The following ST18 variants were observed in gnomAD, a reference collection of about 807,000 sequenced individuals.
ST18 encodes the protein suppression of tumorigenicity 18 protein.
In ST18, 50 loss-of-function variants were observed where a neutral mutation model predicts 110.0. The ratio of observed to expected loss-of-function variants is 0.45; its 90% confidence interval spans 0.36 to 0.58. ST18 has a LOEUF of 0.58. ST18 is among the 20% of genes least tolerant of loss of function. The pLI is 0.00. For missense variants in ST18, 1,306 were observed against 1,280.1 expected, an observed-to-expected ratio of 1.02 and a Z score of -0.31; for synonymous variants, 461 against 452.4, an observed-to-expected ratio of 1.02 and a Z score of -0.24.
At chr8:52,364,625 T>C (rs1488189063) in intron 2 of ST18, among the ~76,000 whole-genome samples, 1 of 152,234 alleles carries the variant, frequency 6.6e-6, no homozygotes. Flanking sequence ...ACATGTATTT[T>C]TCACTAAATG....
chr8:52,286,439 T>C (rs762773219), intron 2 of ST18, among the ~76,000 whole-genome samples: 34 of 152,188 alleles, frequency 2.2e-4, no homozygotes, highest in Non-Finnish European at 3.2e-4. Flanking sequence ...TCCATAACTG[T>C]CCTATGCTAT....
At chr8:52,370,770 C>T (rs180800832) in intron 2 of ST18, among the ~76,000 whole-genome samples, 30 of 152,266 alleles carry the variant, frequency 2.0e-4, no homozygotes, top group Middle Eastern at 3.4e-3. Flanking sequence ...GGCTCTTACT[C>T]ATTGTCTCTT....
intron 2 of ST18, among the ~76,000 whole-genome samples, chr8:52,381,303 T>C (rs1834425843): frequency 6.6e-6 from 1 of 152,108 alleles, no homozygotes; most frequent in Non-Finnish European, 1.5e-5. Context: ...CTCAGATGAT[T>C]CCAGACGTCA....
chr8:52,344,667 T>C (rs1232864246), intron 2 of ST18, among the ~76,000 whole-genome samples: 2 of 152,164 alleles, frequency 1.3e-5, no homozygotes, highest in East Asian at 3.9e-4. Flanking sequence ...TCCCAAAGTG[T>C]TGGGATTACA....
At chr8:52,179,010 A>G (rs1359023430) in intron 9 of ST18, among the ~76,000 whole-genome samples, 2 of 152,206 alleles carry the variant, frequency 1.3e-5, no homozygotes, top group African/African-American at 2.4e-5. Context: ...AATTTATTAC[A>G]TAAGAATCTC....
intron 2 of ST18, among the ~76,000 whole-genome samples, chr8:52,258,362 T>C (rs528434219): frequency 6.6e-6 from 1 of 152,318 alleles, no homozygotes; most frequent in East Asian, 1.9e-4. Flanking sequence ...GTGCATCACT[T>C]TGGGTAGTAT....
In ST18 at chr8:52,336,669, G is replaced by C. The variant is rs141079206; in HGVS notation, c.-465+72659C>G. 5.8e-3 allele frequency among the ~76,000 whole-genome samples: 890 copies of C among 152,308 alleles called. 4 individuals are homozygous for C. Among genetic ancestry groups the C allele is most frequent in the African/African-American group, 0.02 (846 of 41,570 alleles). ...TCCCAAGTGAGGTTGGGTGAGATGG[G>C]AAGCGGGTAGACCTAGTGACGTCTT... is the stretch of plus-strand genomic sequence containing the variant. On this transcript the variant is annotated intron_variant, in intron 2 of 25. Coordinates refer to ENST00000689386, the MANE Select transcript of ST18 (RefSeq NM_001352837.2).
At chr8:52,138,291 G>GA (rs1256988947) in intron 17 of ST18, among the ~76,000 whole-genome samples, 1 of 152,148 alleles carries the variant, frequency 6.6e-6, no homozygotes, top group Non-Finnish European at 1.5e-5. Flanking sequence ...AGAAACCACT[G>GA]AAAATCTTTG....
At chr8:52,274,785 T>C (rs998391614) in intron 2 of ST18, among the ~76,000 whole-genome samples, 11 of 152,216 alleles carry the variant, frequency 7.2e-5, no homozygotes, top group Admixed American at 5.2e-4. Context: ...CCAGTCATGT[T>C]TTGGAGTCTA....
rs201931733 is a variant in ST18, at chr8:52,174,825, TC to T, written c.278-2243del. On this transcript the variant is annotated intron_variant, in intron 9 of 25. Transcript: ENST00000689386. Reference sequence around the variant, plus strand: ...GTTCTGCAAATCTGCAAACCAACTTTCCACATTCCACCCCCCTCCCAGGCTT... The same window carrying T: ...GTTCTGCAAATCTGCAAACCAACTTTCACATTCCACCCCCCTCCCAGGCTT... Among the ~76,000 whole-genome samples the T allele has an allele frequency of 4.4e-3, 668 of 152,290 alleles. 5 individuals carry two copies. Among genetic ancestry groups the T allele is most frequent in the African/African-American group, 0.015 (627 of 41,542 alleles).
intron 18 of ST18, 97 bp downstream of exon 18, chr8:52,137,324 C>T (rs2052847833): frequency 7.8e-7 from 1 of 1,285,446 alleles, no homozygotes; most frequent in Non-Finnish European, 1.1e-6. Flanking sequence ...CAACTCATTT[C>T]CTGCTTCAGA....
chr8:52,251,631 A>AT (rs1465407133), intron 2 of ST18, among the ~76,000 whole-genome samples: 10 of 152,122 alleles, frequency 6.6e-5, no homozygotes, highest in African/African-American at 2.2e-4. Flanking sequence ...ATTATCTAGA[A>AT]TGATCAATTG....
In ST18 at chr8:52,149,894, T is replaced by A; in HGVS notation, c.1890A>T (p.Leu630=). 1 of 1,614,136 alleles carries A rather than the reference T, an allele frequency of 6.2e-7. No individual in the cohort carries two copies. Among genetic ancestry groups the A allele is most frequent in the East Asian group, 2.2e-5 (1 of 44,876 alleles). ...KNRILDKSAP[L]TSSNTSIPTP... is the part of the protein sequence containing the mutation. ...TTGGAATAGAAGTGTTAGAGGAAGTTAGGGGTGCAGACTTGTCCAGGATTC... is the reference window on the plus strand; with the variant it reads ...TTGGAATAGAAGTGTTAGAGGAAGTAAGGGGTGCAGACTTGTCCAGGATTC... The change falls in exon 16 of 26, where the codon CTA becomes CTT. Residue 630 remains leucine (L), a synonymous_variant. Coordinates refer to ENST00000689386, the MANE Select transcript of ST18 (RefSeq NM_001352837.2).
chr8:52,405,775 C>G (rs557971255), intron 2 of ST18: 5 of 151,632 alleles, frequency 3.3e-5, no homozygotes, highest in Non-Finnish European at 7.4e-5. Flanking sequence ...TACTTAGACA[C>G]ATTTCAATGG....
At chr8:52,337,336 C>A (rs1324549715) in intron 2 of ST18, among the ~76,000 whole-genome samples, 1 of 152,182 alleles carries the variant, frequency 6.6e-6, no homozygotes, top group Admixed American at 6.5e-5. Context: ...CTTCGTCTGG[C>A]AAAGGTTTTG....
chr8:52,167,331 A>G (rs542022195), intron 10 of ST18, among the ~76,000 whole-genome samples: 59 of 152,380 alleles, frequency 3.9e-4, no homozygotes, highest in Non-Finnish European at 7.8e-4. Context: ...AAATAGTGAG[A>G]CAGAATTTAT....
chr8:52,191,582 C>T (rs2074502717), intron 8 of ST18, among the ~76,000 whole-genome samples: 1 of 152,144 alleles, frequency 6.6e-6, no homozygotes, highest in Non-Finnish European at 1.5e-5. Context: ...TGAATAACAG[C>T]TATGAAGAAA....
intron 23 of ST18, among the ~76,000 whole-genome samples, chr8:52,123,277 C>G (rs1449706121): frequency 6.6e-6 from 1 of 152,092 alleles, no homozygotes. Context: ...ATGATTTGTA[C>G]GTAGTTTAAA....
At chr8:52,266,961 G>A (rs1410149645) in intron 2 of ST18, among the ~76,000 whole-genome samples, 1 of 152,158 alleles carries the variant, frequency 6.6e-6, no homozygotes, top group Non-Finnish European at 1.5e-5. Context: ...CTCTGGAGAG[G>A]AGAAAGATTA....
Sources: gnomAD v4.1 joint callset for allele counts (sites outside exome capture counted in the v4.1 genomes callset) on GRCh38, gnomAD v4.1.1 for gene constraint, MANE v1.5 for transcripts, NCBI Gene and HGNC (gene_info 2026-07-23, HGNC 2026-07-21) for gene names.